SYN2: variants seen among roughly 807,000 people sequenced by gnomAD.
The protein encoded by SYN2 is synapsin II.
Under a neutral mutation model 50.9 loss-of-function variants are expected in SYN2, and 19 were observed. The ratio of observed to expected loss-of-function variants is 0.37; its 90% CI spans 0.26 to 0.55. The LOEUF (loss-of-function observed/expected upper bound fraction) is 0.55, where lower values mean the gene tolerates loss of function less well. Ranked by LOEUF, SYN2 falls within the 20% of genes least tolerant of loss-of-function variation. SYN2 has a pLI of 0.81. For synonymous variants in SYN2, 255 were observed against 224.9 expected, an observed-to-expected ratio of 1.13 and a Z score of -1.20; for missense variants, 587 against 576.4, an observed-to-expected ratio of 1.02 and a Z score of -0.19.
At chr3:12,070,416 C>G in intron 1 of SYN2, 1 of 541,868 alleles carries the variant, frequency 1.8e-6, no homozygotes, top group Non-Finnish European at 3.7e-6. Flanking sequence ...AGCATGGCAT[C>G]CTGACGCTGA....
intron 1 of SYN2, among the ~76,000 whole-genome samples, chr3:12,057,287 C>CTGTGTGTGTGTG (rs59286785): frequency 0.015 from 2,054 of 133,954 alleles, 43 homozygotes; most frequent in African/African-American, 0.039. Flanking sequence ...GCAAGACTGT[C>CTGTGTGTGTGTG]TGTGTGTGTG....
At chr3:12,015,161 ACC>A (rs1694001565) in intron 1 of SYN2, among the ~76,000 whole-genome samples, 1 of 152,156 alleles carries the variant, frequency 6.6e-6, no homozygotes, top group Non-Finnish European at 1.5e-5. Flanking sequence ...CTGTGTCTTT[ACC>A]TGGATAATCT....
At chr3:12,146,468 A>T (rs1697152468) in intron 4 of SYN2, among the ~76,000 whole-genome samples, 1 of 152,210 alleles carries the variant, frequency 6.6e-6, no homozygotes, top group Non-Finnish European at 1.5e-5. Flanking sequence ...AAAACTACTT[A>T]CTATAGGATG....
chr3:12,175,918 C>A (rs1007803079), intron 10 of SYN2, among the ~76,000 whole-genome samples: 1 of 152,216 alleles, frequency 6.6e-6, no homozygotes, highest in Non-Finnish European at 1.5e-5. Flanking sequence ...TTGATGACAG[C>A]TTGGCCTCAG....
intron 3 of SYN2, among the ~76,000 whole-genome samples, chr3:12,144,935 G>T (rs936142950): frequency 1.3e-5 from 2 of 152,144 alleles, no homozygotes; most frequent in Admixed American, 6.5e-5. Context: ...GGAGGCTGAG[G>T]CACAAGAATC....
At chr3:12,126,976 A>G (rs1259617693) in intron 1 of SYN2, among the ~76,000 whole-genome samples, 3 of 152,208 alleles carry the variant, frequency 2.0e-5, no homozygotes, top group Non-Finnish European at 4.4e-5. Context: ...TGCCTTTCAT[A>G]TAGGTGAACA....
chr3:12,149,072 T>G (rs1697219272), intron 4 of SYN2, among the ~76,000 whole-genome samples: 1 of 152,170 alleles, frequency 6.6e-6, no homozygotes, highest in Admixed American at 6.5e-5. Context: ...GTGAGCTCCC[T>G]GAGACCCAAC....
At chr3:12,063,676 A>G (rs1695156983) in intron 1 of SYN2, among the ~76,000 whole-genome samples, 1 of 152,048 alleles carries the variant, frequency 6.6e-6, no homozygotes. Flanking sequence ...GATATTTTTA[A>G]AAACACATGG....
intron 1 of SYN2, among the ~76,000 whole-genome samples, chr3:12,112,076 A>G (rs1696329310): frequency 1.3e-5 from 2 of 152,190 alleles, no homozygotes; most frequent in Admixed American, 6.5e-5. Context: ...ATCTCTGCTA[A>G]GAGGGGGAGC....
At chr3:12,168,141 G>C (rs543747823) in intron 8 of SYN2, among the ~76,000 whole-genome samples, 7 of 152,190 alleles carry the variant, frequency 4.6e-5, no homozygotes, top group Non-Finnish European at 1.0e-4. Flanking sequence ...GAATAGCCAA[G>C]GAGGCCTTCT....
At chr3:12,156,148 G>C (rs938449448) in intron 5 of SYN2, among the ~76,000 whole-genome samples, 4 of 152,136 alleles carry the variant, frequency 2.6e-5, no homozygotes, top group African/African-American at 9.7e-5. Flanking sequence ...CCCTTCACCT[G>C]TTCCCTCCCC....
intron 5 of SYN2, among the ~76,000 whole-genome samples, chr3:12,152,393 GGA>G (rs1420527685): frequency 2.0e-5 from 3 of 152,298 alleles, no homozygotes; most frequent in African/African-American, 7.2e-5. Context: ...CAGAGGCTGA[GGA>G]GCCCTGAGGG....
intron 10 of SYN2, among the ~76,000 whole-genome samples, chr3:12,178,385 G>A (rs979760826): frequency 7.2e-5 from 11 of 152,150 alleles, no homozygotes; most frequent in Admixed American, 7.2e-4. Flanking sequence ...GACTTCAGGA[G>A]CTCCTTTCTC....
At chr3:12,082,946 A>G (rs568419508) in intron 1 of SYN2, among the ~76,000 whole-genome samples, 1 of 152,138 alleles carries the variant, frequency 6.6e-6, no homozygotes, top group East Asian at 1.9e-4. Flanking sequence ...GATTTCTTTG[A>G]TTTTTAAAAA....
At chr3:12,169,305 A>G (rs1355435885) in intron 9 of SYN2, among the ~76,000 whole-genome samples, 1 of 152,184 alleles carries the variant, frequency 6.6e-6, no homozygotes, top group Non-Finnish European at 1.5e-5. Context: ...GTACAAAGGG[A>G]TGAACCTGGT....
chr3:12,039,067 AG>A (rs1433219823), intron 1 of SYN2, among the ~76,000 whole-genome samples: 7 of 152,136 alleles, frequency 4.6e-5, no homozygotes, highest in Non-Finnish European at 1.5e-5. Context: ...TATTAGGTTG[AG>A]GAAGTTTCCT....
intron 1 of SYN2, among the ~76,000 whole-genome samples, chr3:12,035,811 A>C (rs1010571404): frequency 6.6e-6 from 1 of 152,232 alleles, no homozygotes; most frequent in African/African-American, 2.4e-5. Context: ...ATTTAGAACA[A>C]AGAATGGTGG....
At chr3:12,025,371 G>T (rs557417584) in intron 1 of SYN2, among the ~76,000 whole-genome samples, 1 of 152,202 alleles carries the variant, frequency 6.6e-6, no homozygotes, top group Non-Finnish European at 1.5e-5. Context: ...ACTAGAGAAG[G>T]CTGTACCTAA....
intron 1 of SYN2, among the ~76,000 whole-genome samples, chr3:12,082,348 A>T (rs1244509142): frequency 6.6e-6 from 1 of 152,222 alleles, no homozygotes. Context: ...GGAGTAAAGC[A>T]GGTATTCAGC....
Sources: gnomAD v4.1 joint callset for allele counts (sites outside exome capture counted in the v4.1 genomes callset) on GRCh38, gnomAD v4.1.1 for gene constraint, MANE v1.5 for transcripts, NCBI Gene and HGNC (gene_info 2026-07-23, HGNC 2026-07-21) for gene names.